Variants in CSRNP3 observed in about 807,000 individuals in gnomAD.
CSRNP3 encodes cysteine/serine-rich nuclear protein 3.
In CSRNP3, 12 loss-of-function variants were observed where a neutral mutation model predicts 48.0. The ratio of observed to expected loss-of-function variants is 0.25; its 90% CI spans 0.16 to 0.41. The LOEUF (loss-of-function observed/expected upper bound fraction) is 0.41. CSRNP3 is among the 10% of genes least tolerant of loss of function. The pLI is 1.00. For synonymous variants in CSRNP3, 263 were observed against 269.7 expected (o/e 0.98, Z 0.24); for missense variants, 580 against 724.4 (o/e 0.80, Z 2.29).
chr2:165,572,052 A>G (rs1352800849), intron 3 of CSRNP3, among the ~76,000 whole-genome samples: 1 of 152,170 alleles, frequency 6.6e-6, no homozygotes, highest in Non-Finnish European at 1.5e-5. Context: ...GAGATAGGAA[A>G]TGGCTTTTTG....
Position 165,469,701 on chromosome 2 carries a change from G to A in CSRNP3, c.-322G>A, listed in dbSNP as rs1683866158. On this transcript the variant is annotated 5_prime_UTR_variant, in exon 1 of 7. The change creates a new upstream start codon in the 5' untranslated region. Transcript: ENST00000651982. ...GAGGGAGGAGTGTACTCTCTTCAGTGTGTTCTGACGGAGCCGAAGTACAGA... is the reference window on the plus strand; with the variant it reads ...GAGGGAGGAGTGTACTCTCTTCAGTATGTTCTGACGGAGCCGAAGTACAGA... 1 of 152,424 alleles carries A rather than the reference G, an allele frequency of 6.6e-6. No homozygotes were observed. Among genetic ancestry groups the A allele is most frequent in the African/African-American group, 2.4e-5 (1 of 41,394 alleles). The allele number at this position is 152,424 out of a possible 1,614,324, so 9.4% of individuals were successfully genotyped here.
intron 6 of CSRNP3, among the ~76,000 whole-genome samples, chr2:165,676,844 C>G (rs1405543861): frequency 6.6e-6 from 1 of 152,114 alleles, no homozygotes; most frequent in Non-Finnish European, 1.5e-5. Flanking sequence ...GAAAGACAAC[C>G]CAAGTAGCAG....
At chr2:165,521,443 C>A (rs898033844) in intron 3 of CSRNP3, among the ~76,000 whole-genome samples, 2 of 152,154 alleles carry the variant, frequency 1.3e-5, no homozygotes, top group Admixed American at 1.3e-4. Context: ...ATTTGCTTTA[C>A]AAAATTGCCA....
intron 1 of CSRNP3, among the ~76,000 whole-genome samples, chr2:165,491,804 G>T (rs1684212023): frequency 9.5e-6 from 1 of 105,148 alleles, no homozygotes; most frequent in South Asian, 4.1e-4. Context: ...CTGTTGTGGG[G>T]TGGGGGGAGG....
At chr2:165,494,530 T>C (rs116800628) in intron 1 of CSRNP3, among the ~76,000 whole-genome samples, 1,778 of 152,194 alleles carry the variant, frequency 0.012, 25 homozygotes, top group Non-Finnish European at 0.016. Flanking sequence ...ATTCATATTT[T>C]TAATTTTTAC....
At chr2:165,626,984 C>T (rs1448616237) in intron 4 of CSRNP3, among the ~76,000 whole-genome samples, 1 of 152,178 alleles carries the variant, frequency 6.6e-6, no homozygotes, top group African/African-American at 2.4e-5. Flanking sequence ...ATACACATTG[C>T]TTATTCCAGC....
intron 4 of CSRNP3, among the ~76,000 whole-genome samples, chr2:165,604,404 AAG>A (rs1337451312): frequency 6.6e-6 from 1 of 152,224 alleles, no homozygotes; most frequent in East Asian, 1.9e-4. Flanking sequence ...AAAAAGAAAA[AAG>A]AGATGCATTT....
At chr2:165,606,366 C>CAAAA (rs1229143916) in intron 4 of CSRNP3, among the ~76,000 whole-genome samples, 53 of 63,088 alleles carry the variant, frequency 8.4e-4, no homozygotes, top group African/African-American at 2.5e-3. Context: ...GCTAATGCAG[C>CAAAA]AAAAAAAAAA....
chr2:165,491,958 A>AAAAAC (rs1158225694), intron 1 of CSRNP3, among the ~76,000 whole-genome samples: 3 of 151,470 alleles, frequency 2.0e-5, no homozygotes, highest in South Asian at 2.1e-4. Flanking sequence ...AATAAAAAAA[A>AAAAAC]AAAAAAAAAC....
intron 3 of CSRNP3, among the ~76,000 whole-genome samples, chr2:165,593,289 A>G (rs1574853965): frequency 1.3e-5 from 2 of 152,316 alleles, no homozygotes; most frequent in East Asian, 3.9e-4. Context: ...CATCCAAGAA[A>G]GAGCCATGTT....
chr2:165,591,562 C>G (rs1006407657), intron 3 of CSRNP3, among the ~76,000 whole-genome samples: 2 of 152,138 alleles, frequency 1.3e-5, no homozygotes, highest in African/African-American at 4.8e-5. Context: ...TGGTTTCCTG[C>G]GGTGGGCCCA....
intron 5 of CSRNP3, among the ~76,000 whole-genome samples, chr2:165,662,402 G>T (rs1573952962): frequency 6.6e-6 from 1 of 152,118 alleles, no homozygotes; most frequent in Non-Finnish European, 1.5e-5. Flanking sequence ...AGAGAAAACT[G>T]ATTGAATAAA....
chr2:165,640,678 A>T (rs930037481), intron 4 of CSRNP3, among the ~76,000 whole-genome samples: 4 of 152,222 alleles, frequency 2.6e-5, no homozygotes, highest in African/African-American at 7.2e-5. Flanking sequence ...TCCTGGGAGC[A>T]GCTGTTCACA....
intron 3 of CSRNP3, among the ~76,000 whole-genome samples, chr2:165,581,526 G>A: frequency 8.0e-6 from 1 of 125,206 alleles, no homozygotes; most frequent in African/African-American, 3.0e-5. Context: ...GTTATGCCCT[G>A]CCCACCCCTC....
intron 4 of CSRNP3, among the ~76,000 whole-genome samples, chr2:165,609,257 C>T (rs1473933391): frequency 6.6e-6 from 1 of 150,388 alleles, no homozygotes; most frequent in African/African-American, 2.4e-5. Flanking sequence ...AGATCGAGAC[C>T]ATCCTGGCTA....
chr2:165,520,508 G>A (rs1368141508), intron 3 of CSRNP3, among the ~76,000 whole-genome samples: 2 of 151,710 alleles, frequency 1.3e-5, no homozygotes, highest in African/African-American at 4.8e-5. Context: ...ATCTGGCCAT[G>A]CAAATAAACA....
chr2:165,579,310 T>C (rs1346804599), intron 3 of CSRNP3, among the ~76,000 whole-genome samples: 1 of 152,196 alleles, frequency 6.6e-6, no homozygotes, highest in Non-Finnish European at 1.5e-5. Context: ...TCAAACCATA[T>C]GTGGCTAAAT....
At chr2:165,626,337 A>AG (rs2105322730) in intron 4 of CSRNP3, among the ~76,000 whole-genome samples, 1 of 152,310 alleles carries the variant, frequency 6.6e-6, no homozygotes, top group African/African-American at 2.4e-5. Context: ...GGAAGGAGTG[A>AG]GATGGACATC....
In CSRNP3 at chr2:165,686,826, T is replaced by C. The variant is rs543704101; in HGVS notation, c.*7073T>C. ...CAGAATAGTTTAATCTTTTCAAAGA[T>C]ACTCACAATGGCCAACTGTGTGTGA... On this transcript the variant is annotated 3_prime_UTR_variant, in exon 7 of 7. Coordinates refer to ENST00000651982, the MANE Select transcript of CSRNP3 (RefSeq NM_001172173.2). The C allele has an allele frequency of 1.3e-5, 2 of 152,222 alleles. No individual in the cohort carries two copies. Among genetic ancestry groups the C allele is most frequent in the South Asian group, 2.1e-4 (1 of 4,824 alleles). The allele number at this position is 152,222 out of a possible 1,614,324, so 9.4% of individuals were successfully genotyped here. A position where few individuals can be genotyped will look rare whatever the true frequency, so the allele number is the denominator to read the frequency against.
Sources: gnomAD v4.1 joint callset for allele counts (sites outside exome capture counted in the v4.1 genomes callset) on GRCh38, gnomAD v4.1.1 for gene constraint, MANE v1.5 for transcripts, NCBI Gene and HGNC (gene_info 2026-07-23, HGNC 2026-07-21) for gene names.